IGFBP4: variants seen among roughly 807,000 people sequenced by gnomAD.
IGFBP4 encodes the protein insulin-like growth factor-binding protein 4.
IGFBP4 carries 9 observed loss-of-function variants against 25.8 expected under a neutral mutation model. The ratio of observed to expected loss-of-function variants is 0.35; its 90% CI spans 0.21 to 0.61. The LOEUF is 0.61. Among genes scored for constraint, IGFBP4 ranks in the 20% least tolerant of loss-of-function variants. IGFBP4 has a pLI of 0.77. For synonymous variants in IGFBP4, 153 were observed against 153.9 expected (o/e 0.99, Z 0.05); for missense variants, 315 against 365.3 (o/e 0.86, Z 1.12).
intron 1 of IGFBP4, among the ~76,000 whole-genome samples, chr17:40,444,954 G>C (rs180937434): frequency 0.15 from 22,454 of 147,214 alleles, 2,378 homozygotes; most frequent in East Asian, 0.31. Flanking sequence ...GAGAGAGAGA[G>C]AGAGAGAGAG....
intron 1 of IGFBP4, among the ~76,000 whole-genome samples, chr17:40,447,026 A>T (rs2035651529): frequency 6.6e-6 from 1 of 152,202 alleles, no homozygotes; most frequent in South Asian, 2.1e-4. Flanking sequence ...TTAGGTCCCA[A>T]GGTTTGGGCC....
chr17:40,456,665 T>A lies in IGFBP4; in HGVS notation c.*82T>A. 1 of 1,382,630 alleles carries A rather than the reference T, an allele frequency of 7.2e-7. No individual in the cohort carries two copies. The highest frequency in any genetic ancestry group is 2.3e-5 in the East Asian group (1 of 42,840). The allele number at this position is 1,382,630 out of a possible 1,614,324, so 85.6% of individuals were successfully genotyped here. A position where few individuals can be genotyped will look rare whatever the true frequency, so the allele number is the denominator to read the frequency against. The stretch of plus-strand genomic sequence containing the variant: ...TGCAGAGCTGACCCAGAGTGGAGTC[T>A]GAGTCTGAGTCCTGTCTCTGCCTGC... On this transcript the variant is annotated 3_prime_UTR_variant, in exon 4 of 4. Coordinates refer to ENST00000269593, the MANE Select transcript of IGFBP4 (RefSeq NM_001552.3).
At chr17:40,450,052 GGCTAGAGT>G (rs1349425298) in intron 1 of IGFBP4, among the ~76,000 whole-genome samples, 2 of 152,156 alleles carry the variant, frequency 1.3e-5, no homozygotes, top group Non-Finnish European at 2.9e-5. Flanking sequence ...TTGTTGCACA[GGCTAGAGT>G]GCAGTGGTGT....
Position 40,453,823 on chromosome 17 carries a change from C to T in IGFBP4, c.508-105C>T. ...TGGGTCCTGCCCAGCCCCTGGGGCTCAGGCCTCCTTTCGGGGCCTTCAGTT... is the reference window on the plus strand; with the variant it reads ...TGGGTCCTGCCCAGCCCCTGGGGCTTAGGCCTCCTTTCGGGGCCTTCAGTT... On this transcript the variant is annotated intron_variant, in intron 2 of 3. Coordinates refer to ENST00000269593, the MANE Select transcript of IGFBP4 (RefSeq NM_001552.3). This position sits in a 1 kb window ranked among gnomAD's most constrained non-coding sequence, Gnocchi z 4.0. The T allele has an allele frequency of 1.2e-6, 1 of 803,816 alleles. No individual in the cohort carries two copies. Among genetic ancestry groups the T allele is most frequent in the South Asian group, 1.9e-5 (1 of 53,740 alleles). The allele number at this position is 803,816 out of a possible 1,614,324, so 49.8% of individuals were successfully genotyped here.
rs1009799058 is a variant in IGFBP4 at position 40,457,514 on chromosome 17, G to A, written c.*931G>A. 1.3e-5 allele frequency: 2 copies of A among 152,038 alleles called. No homozygotes were observed. The highest frequency in any genetic ancestry group is 2.9e-5 in the Non-Finnish European group (2 of 68,052). The allele number at this position is 152,038 out of a possible 1,614,324, so 9.4% of individuals were successfully genotyped here. On this transcript the variant is annotated 3_prime_UTR_variant, in exon 4 of 4. Coordinates refer to ENST00000269593, the MANE Select transcript of IGFBP4 (RefSeq NM_001552.3). Reference sequence around the variant, plus strand: ...GTCACAGCCATGAAGTCACCGGGATGAACCTATCCTTCCAGTGGCTCGCTC... The same window carrying A: ...GTCACAGCCATGAAGTCACCGGGATAAACCTATCCTTCCAGTGGCTCGCTC...
chr17:40,445,875 CT>C (rs1000710890), intron 1 of IGFBP4, among the ~76,000 whole-genome samples: 2 of 152,130 alleles, frequency 1.3e-5, no homozygotes, highest in African/African-American at 4.8e-5. Context: ...TCTCTCAGCA[CT>C]TTGAATGCAA....
chr17:40,446,728 C>A (rs2035648462), intron 1 of IGFBP4, among the ~76,000 whole-genome samples: 1 of 152,214 alleles, frequency 6.6e-6, no homozygotes, highest in Non-Finnish European at 1.5e-5. Flanking sequence ...TCCCCCTTTC[C>A]TCCTTGCCTT....
In IGFBP4 at chr17:40,443,615, C is replaced by T. The variant is rs1348850142; in HGVS notation, c.-121C>T. 4 of 314,646 alleles carry T rather than the reference C, an allele frequency of 1.3e-5. No individual in the cohort carries two copies. The highest frequency in any genetic ancestry group is 1.9e-5 in the Non-Finnish European group (4 of 210,230). 19.5% of individuals were successfully genotyped at this position (314,646 alleles called of 1,614,324 possible). On this transcript the variant is annotated 5_prime_UTR_variant, in exon 1 of 4. Transcript: ENST00000269593. The stretch of plus-strand genomic sequence containing the variant: ...GGCCGCCCCGTCTCCCCGCGCCCTC[C>T]GGGTCGGGTCCTCCAGGAGCGCCAG...
chr17:40,446,169 C>CAAA (rs71152673), intron 1 of IGFBP4, among the ~76,000 whole-genome samples: 1,700 of 99,218 alleles, frequency 0.017, 48 homozygotes, highest in Middle Eastern at 0.027. Context: ...CCCGTCTCTA[C>CAAA]AAAAAAAAAA....
intron 1 of IGFBP4, among the ~76,000 whole-genome samples, chr17:40,444,926 C>CACAGAG (rs1456516087): frequency 1.1e-4 from 7 of 62,686 alleles, no homozygotes; most frequent in African/African-American, 1.4e-4. Context: ...CACACACACA[C>CACAGAG]AGAGACAGAG....
chr17:40,451,804 TG>T (rs919293096), intron 1 of IGFBP4, among the ~76,000 whole-genome samples: 26 of 152,292 alleles, frequency 1.7e-4, no homozygotes, highest in Middle Eastern at 3.4e-3. Context: ...GACTCAAGCA[TG>T]GGGTTTTTCT....
rs201316941 is a variant in IGFBP4, at chr17:40,444,540, C to CT, written c.349+465dup. Among the ~76,000 whole-genome samples the CT allele has an allele frequency of 3.3e-3, 501 of 151,516 alleles. 4 individuals carry two copies. Among genetic ancestry groups the CT allele is most frequent in the African/African-American group, 0.011 (451 of 41,312 alleles). ...GTGGTCTGGGGAGCCAGGGCCTGAA[C>CT]TTTTTTTTTACATGGTCCAGTGGTG... On this transcript the variant is annotated intron_variant, in intron 1 of 3. Coordinates refer to ENST00000269593, the MANE Select transcript of IGFBP4 (RefSeq NM_001552.3).
chr17:40,444,916 CACACACACACAGAGACAGAG>C (rs1284406819), intron 1 of IGFBP4, among the ~76,000 whole-genome samples: 107 of 84,816 alleles, frequency 1.3e-3, no homozygotes, highest in African/African-American at 4.7e-3. Context: ...CACACACACA[CACACACACACAGAGACAGAG>C]AGAGAGAGAG....
At chr17:40,449,530 C>T (rs1299880511) in intron 1 of IGFBP4, among the ~76,000 whole-genome samples, 2 of 152,052 alleles carry the variant, frequency 1.3e-5, no homozygotes, top group Non-Finnish European at 2.9e-5. Context: ...AGGTGGATCA[C>T]GAGGTCAGGA....
At chr17:40,452,907 C>T (rs774354789) in intron 1 of IGFBP4, 78 bp from the exon 2 acceptor site, 45 of 1,199,162 alleles carry the variant, frequency 3.8e-5, no homozygotes, top group South Asian at 6.3e-5. Flanking sequence ...GGAAGGAGAA[C>T]GTGGGTGGGA....
chr17:40,445,979 C>A (rs1272843410), intron 1 of IGFBP4, among the ~76,000 whole-genome samples: 1 of 151,922 alleles, frequency 6.6e-6, no homozygotes, highest in Non-Finnish European at 1.5e-5. Context: ...ATAAGATCCC[C>A]TAGGGGTTTG....
intron 1 of IGFBP4, among the ~76,000 whole-genome samples, chr17:40,444,985 A>AGAGAGAGAGAGT (rs2035636462): frequency 7.7e-6 from 1 of 129,372 alleles, no homozygotes; most frequent in African/African-American, 3.0e-5. Context: ...AGAGAGAGAG[A>AGAGAGAGAGAGT]CTCTGAGAAG....
At chr17:40,446,956 G>A (rs2035650477) in intron 1 of IGFBP4, among the ~76,000 whole-genome samples, 1 of 152,220 alleles carries the variant, frequency 6.6e-6, no homozygotes. Flanking sequence ...GAGATAAGAC[G>A]ACCAAGCCCC....
In IGFBP4 at chr17:40,453,274, T is replaced by C. The variant is rs2035696622; in HGVS notation, c.507+132T>C. ...GGGCGTGTTCATTCAGCACACATTCTAGGGTGACTACTGTGTGCAAGGTGC... is the reference window on the plus strand; with the variant it reads ...GGGCGTGTTCATTCAGCACACATTCCAGGGTGACTACTGTGTGCAAGGTGC... On this transcript the variant is annotated intron_variant, in intron 2 of 3. Transcript: ENST00000269593. The surrounding 1 kb of genome is among the most constrained non-coding windows in gnomAD (Gnocchi z 4.0). 1.6e-6 allele frequency: 1 copy of C among 614,934 alleles called. No homozygotes were observed. Among genetic ancestry groups the C allele is most frequent in the Non-Finnish European group, 2.5e-6 (1 of 396,932 alleles). 38.1% of individuals were successfully genotyped at this position (614,934 alleles called of 1,614,324 possible).
Sources: allele counts gnomAD v4.1 joint callset (sites outside exome capture counted in the v4.1 genomes callset), GRCh38; gene constraint gnomAD v4.1.1; non-coding constraint Gnocchi (gnomAD v3.1); transcripts MANE v1.5; gene names NCBI Gene and HGNC (gene_info 2026-07-23, HGNC 2026-07-21).